SIPA1L1: variants seen among roughly 807,000 people sequenced by gnomAD.
The protein encoded by SIPA1L1 is signal-induced proliferation-associated 1-like protein 1.
A neutral mutation model predicts 162.7 loss-of-function variants in SIPA1L1; 26 were observed. The observed-to-expected ratio is 0.16, with a 90% confidence interval of 0.12 to 0.22. The LOEUF (loss-of-function observed/expected upper bound fraction) is 0.22, where lower values mean the gene tolerates loss of function less well. Among genes scored for constraint, SIPA1L1 ranks in the 10% least tolerant of loss-of-function variants. The pLI, the probability that SIPA1L1 is intolerant of heterozygous loss-of-function variation, is 1.00. For missense variants in SIPA1L1, 1,874 were observed against 2,241.0 expected (o/e 0.84, Z 3.31); for synonymous variants, 829 against 837.4 (o/e 0.99, Z 0.17).
intron 2 of SIPA1L1, among the ~76,000 whole-genome samples, chr14:71,477,576 A>C (rs767830524): frequency 2.6e-5 from 4 of 152,198 alleles, no homozygotes; most frequent in African/African-American, 9.7e-5. Context: ...CCTGGGCTCA[A>C]ATGAGCCTCC....
At chr14:71,437,551 G>T (rs148243149) in intron 2 of SIPA1L1, among the ~76,000 whole-genome samples, 1 of 152,102 alleles carries the variant, frequency 6.6e-6, no homozygotes, top group African/African-American at 2.4e-5. Context: ...TGTATTTTTG[G>T]TAGTTTCACC....
At chr14:71,390,657 T>G (rs2040672067) in intron 2 of SIPA1L1, among the ~76,000 whole-genome samples, 1 of 152,088 alleles carries the variant, frequency 6.6e-6, no homozygotes, top group Non-Finnish European at 1.5e-5. Flanking sequence ...TGATGGCATG[T>G]GCCTGTGGTT....
chr14:71,680,310 C>G (rs2045671931), intron 12 of SIPA1L1, among the ~76,000 whole-genome samples: 1 of 152,214 alleles, frequency 6.6e-6, no homozygotes, highest in African/African-American at 2.4e-5. Flanking sequence ...ACTGAACATC[C>G]TGCTCCTGAA....
chr14:71,443,471 T>G (rs2045085745), intron 2 of SIPA1L1, among the ~76,000 whole-genome samples: 1 of 152,158 alleles, frequency 6.6e-6, no homozygotes, highest in Non-Finnish European at 1.5e-5. Context: ...GGCTTTTGAA[T>G]AAATATAAAA....
rs536274480 is a variant in SIPA1L1 at position 71,678,647 on chromosome 14, T to C, written c.3104+6025T>C. Among the ~76,000 whole-genome samples the C allele has an allele frequency of 1.7e-3, 253 of 152,320 alleles. 1 individual carries two copies. Among genetic ancestry groups the C allele is most frequent in the African/African-American group, 5.3e-3 (221 of 41,572 alleles). Reference sequence around the variant, plus strand: ...CCCGGCTTTGGTATCAGGATGATGCTGGCCTCATAAAATGAGTTAGGGAGG... The same window carrying C: ...CCCGGCTTTGGTATCAGGATGATGCCGGCCTCATAAAATGAGTTAGGGAGG... On this transcript the variant is annotated intron_variant, in intron 12 of 23. Transcript: ENST00000381232.
At position 71,609,502 on chromosome 14, in the gene SIPA1L1, T is replaced by A. The variant is rs181835147; in HGVS notation, c.1499-9255T>A. ...TATTTATTGAGATGGAGTCTTGCTC[T>A]GTTGCCCAGGCTGGAGTGCAGTGGG... On this transcript the variant is annotated intron_variant, in intron 5 of 23. Transcript: ENST00000381232. Among the ~76,000 whole-genome samples, 1,033 of 151,864 alleles carry A rather than the reference T, an allele frequency of 6.8e-3. 9 individuals are homozygous for A. The highest frequency in any genetic ancestry group is 0.01 in the Non-Finnish European group (693 of 67,956).
Position 71,702,480 on chromosome 14 carries a change from T to TGAG in SIPA1L1, c.3624_3626dup (p.Glu1208dup), listed in dbSNP as rs753340421. ...AATCCACGCCTAGCTGGCAAAGAAG[T>TGAG]GAGGATAGCATTGCTGACCAGATGG... On this transcript the variant is annotated inframe_insertion, in exon 15 of 24. Transcript: ENST00000381232. 8.1e-6 allele frequency: 13 copies of TGAG among 1,614,066 alleles called. No homozygotes were observed. The highest frequency in any genetic ancestry group is 1.1e-5 in the Non-Finnish European group (13 of 1,180,016).
At chr14:71,492,602 G>A (rs146739559) in intron 2 of SIPA1L1, among the ~76,000 whole-genome samples, 28 of 152,190 alleles carry the variant, frequency 1.8e-4, no homozygotes, top group African/African-American at 6.3e-4. Flanking sequence ...AGGCCCGTGC[G>A]GTAGCTCTTT....
chr14:71,444,617 T>C (rs910476420), intron 2 of SIPA1L1, among the ~76,000 whole-genome samples: 2 of 152,184 alleles, frequency 1.3e-5, no homozygotes, highest in Non-Finnish European at 2.9e-5. Flanking sequence ...AGACAGTAAG[T>C]GTTCTCAGTG....
At chr14:71,599,150 T>TTC (rs996936300) in intron 5 of SIPA1L1, among the ~76,000 whole-genome samples, 2 of 145,426 alleles carry the variant, frequency 1.4e-5, no homozygotes, top group Non-Finnish European at 3.0e-5. Context: ...TTTCATTCTT[T>TTC]TTTTTTTTTT....
At chr14:71,589,849 T>G (rs1013945987) in intron 5 of SIPA1L1, among the ~76,000 whole-genome samples, 1 of 151,724 alleles carries the variant, frequency 6.6e-6, no homozygotes, top group Admixed American at 6.6e-5. Flanking sequence ...TTCCTGTCCA[T>G]TTACAGGAAG....
chr14:71,603,698 G>A (rs1250004565), intron 5 of SIPA1L1, among the ~76,000 whole-genome samples: 1 of 151,820 alleles, frequency 6.6e-6, no homozygotes, highest in Non-Finnish European at 1.5e-5. Context: ...CGAGGCGGGT[G>A]GATCACGAGG....
intron 7 of SIPA1L1, among the ~76,000 whole-genome samples, chr14:71,641,406 A>G (rs973657949): frequency 6.6e-6 from 1 of 152,162 alleles, no homozygotes; most frequent in African/African-American, 2.4e-5. Context: ...ACTGTTAAAC[A>G]TTTGCTGGGC....
At chr14:71,661,649 C>T (rs1017449933) in intron 10 of SIPA1L1, among the ~76,000 whole-genome samples, 182 bp downstream of exon 10, 1 of 152,174 alleles carries the variant, frequency 6.6e-6, no homozygotes, top group Non-Finnish European at 1.5e-5. Context: ...ATTGACATTA[C>T]CCAAGCATGT....
chr14:71,675,858 A>G (rs1216172244), intron 12 of SIPA1L1, among the ~76,000 whole-genome samples: 1 of 152,166 alleles, frequency 6.6e-6, no homozygotes, highest in Admixed American at 6.5e-5. Context: ...ATGTAATACA[A>G]ACACCCCCAG....
chr14:71,587,426 C>G (rs1465376408), intron 4 of SIPA1L1, 145 bp from the exon 5 acceptor site: 1 of 392,948 alleles, frequency 2.5e-6, no homozygotes, highest in Non-Finnish European at 4.5e-6. Flanking sequence ...TCTTTCAAAC[C>G]TGCTTTACTA....
At chr14:71,581,277 C>CA (rs1231471088) in intron 4 of SIPA1L1, among the ~76,000 whole-genome samples, 3 of 152,150 alleles carry the variant, frequency 2.0e-5, no homozygotes, top group Non-Finnish European at 4.4e-5. Context: ...GAAACCCTCC[C>CA]ACCTTAGCCT....
intron 8 of SIPA1L1, among the ~76,000 whole-genome samples, chr14:71,657,232 C>T (rs1596698043): frequency 6.6e-6 from 1 of 151,500 alleles, no homozygotes; most frequent in East Asian, 1.9e-4. Context: ...CTTATAGTCC[C>T]AGCTACTCAG....
At chr14:71,513,533 GT>G (rs1166635535) in intron 3 of SIPA1L1, among the ~76,000 whole-genome samples, 1 of 152,086 alleles carries the variant, frequency 6.6e-6, no homozygotes, top group Non-Finnish European at 1.5e-5. Context: ...TGTTGCTTAG[GT>G]TTGTGTGCAG....
Sources: gnomAD v4.1 joint callset for allele counts (sites outside exome capture counted in the v4.1 genomes callset) on GRCh38, gnomAD v4.1.1 for gene constraint, MANE v1.5 for transcripts, NCBI Gene and HGNC (gene_info 2026-07-23, HGNC 2026-07-21) for gene names.